The following ADCY8 variants were observed in gnomAD, a reference collection of about 807,000 sequenced individuals.
The protein encoded by ADCY8 is adenylate cyclase type 8.
A neutral mutation model predicts 119.7 loss-of-function variants in ADCY8; 51 were observed. The ratio of observed to expected loss-of-function variants is 0.43; its 90% CI spans 0.34 to 0.54. The LOEUF (loss-of-function observed/expected upper bound fraction) is 0.54. Among genes scored for constraint, ADCY8 ranks in the 20% least tolerant of loss-of-function variants. The pLI is 0.03. For missense variants in ADCY8, 1,383 were observed against 1,598.8 expected (o/e 0.87, Z 2.30); for synonymous variants, 665 against 651.0 (o/e 1.02, Z -0.33).
At chr8:130,845,658 T>G (rs1268252767) in intron 11 of ADCY8, among the ~76,000 whole-genome samples, 1 of 152,114 alleles carries the variant, frequency 6.6e-6, no homozygotes, top group Non-Finnish European at 1.5e-5. Flanking sequence ...CACTCATTCC[T>G]AGGTAGAAGG....
intron 5 of ADCY8, among the ~76,000 whole-genome samples, chr8:130,923,629 G>A (rs2130589725): frequency 6.6e-6 from 1 of 152,214 alleles, no homozygotes; most frequent in Middle Eastern, 3.4e-3. Flanking sequence ...GTCAGCCCTG[G>A]CATCTTCTCA....
chr8:131,033,763 C>G (rs1374824000), intron 1 of ADCY8, among the ~76,000 whole-genome samples: 1 of 151,562 alleles, frequency 6.6e-6, no homozygotes, highest in Non-Finnish European at 1.5e-5. Flanking sequence ...AACACACATA[C>G]ACAAAAGCAC....
At chr8:130,787,513 A>G (rs1462220470) in intron 15 of ADCY8, among the ~76,000 whole-genome samples, 1 of 150,726 alleles carries the variant, frequency 6.6e-6, no homozygotes, top group African/African-American at 2.4e-5. Flanking sequence ...TATGGTGTTT[A>G]TGTGCATGTG....
intron 1 of ADCY8, among the ~76,000 whole-genome samples, chr8:131,035,688 T>A (rs539665623): frequency 1.3e-5 from 2 of 152,270 alleles, no homozygotes; most frequent in South Asian, 4.1e-4. Context: ...AGGAAGGCAA[T>A]CATTGGCTCA....
chr8:130,903,268 C>A (rs1260563495), intron 7 of ADCY8, among the ~76,000 whole-genome samples: 1 of 152,034 alleles, frequency 6.6e-6, no homozygotes, highest in African/African-American at 2.4e-5. Flanking sequence ...ATTGCATGCT[C>A]CTCCTGAACT....
At chr8:130,901,005 G>C (rs1819581143) in intron 7 of ADCY8, among the ~76,000 whole-genome samples, 1 of 152,094 alleles carries the variant, frequency 6.6e-6, no homozygotes, top group Admixed American at 6.6e-5. Context: ...CATCGACGCA[G>C]TTCCAAGCAA....
intron 2 of ADCY8, among the ~76,000 whole-genome samples, chr8:130,957,613 G>A (rs927584581): frequency 1.3e-5 from 2 of 152,172 alleles, no homozygotes; most frequent in Non-Finnish European, 1.5e-5. Flanking sequence ...AGGTCTTCAT[G>A]GCAGCTCCTC....
At chr8:131,003,175 C>T (rs1441887777) in intron 1 of ADCY8, among the ~76,000 whole-genome samples, 1 of 149,112 alleles carries the variant, frequency 6.7e-6, no homozygotes, top group Non-Finnish European at 1.5e-5. Context: ...CACCATTGCA[C>T]TCCAGCCTGG....
chr8:130,939,820 A>G (rs1204282359), intron 4 of ADCY8, among the ~76,000 whole-genome samples: 1 of 152,192 alleles, frequency 6.6e-6, no homozygotes, highest in Non-Finnish European at 1.5e-5. Flanking sequence ...GCTGCTCCTT[A>G]TCTTTTTTCG....
chr8:130,781,741 T>C (rs1289498800), intron 17 of ADCY8, among the ~76,000 whole-genome samples: 1 of 152,190 alleles, frequency 6.6e-6, no homozygotes, highest in African/African-American at 2.4e-5. Flanking sequence ...ATCTGGTAAA[T>C]ACTTTTAAAG....
At chr8:130,927,266 A>C in intron 5 of ADCY8, among the ~76,000 whole-genome samples, 1 of 152,086 alleles carries the variant, frequency 6.6e-6, no homozygotes, top group East Asian at 1.9e-4. Flanking sequence ...TTATCTCTTG[A>C]CTTTTTGATA....
At chr8:130,888,147 G>A (rs1819058063) in intron 7 of ADCY8, among the ~76,000 whole-genome samples, 1 of 151,204 alleles carries the variant, frequency 6.6e-6, no homozygotes, top group African/African-American at 2.4e-5. Flanking sequence ...CTAAAGAATA[G>A]GAAAAACAAA....
intron 4 of ADCY8, among the ~76,000 whole-genome samples, chr8:130,941,355 G>T (rs184438194): frequency 6.6e-6 from 1 of 152,242 alleles, no homozygotes; most frequent in African/African-American, 2.4e-5. Context: ...TCAGTCTTGC[G>T]CAGTACCTGA....
intron 1 of ADCY8, among the ~76,000 whole-genome samples, chr8:131,014,772 T>C (rs1245939786): frequency 6.6e-6 from 1 of 152,218 alleles, no homozygotes; most frequent in Admixed American, 6.5e-5. Context: ...ACTTACTTCA[T>C]AGGTTGTTGT....
chr8:130,936,925 G>T, intron 5 of ADCY8, 148 bp downstream of exon 5: 1 of 928,640 alleles, frequency 1.1e-6, no homozygotes, highest in Non-Finnish European at 1.6e-6. Flanking sequence ...GGTTTATATG[G>T]GAGAACTAAG....
chr8:130,868,307 G>A (rs7820461), intron 8 of ADCY8, among the ~76,000 whole-genome samples: 23,434 of 152,090 alleles, frequency 0.15, 2,264 homozygotes, highest in African/African-American at 0.27. Context: ...GCACTGTTTC[G>A]TGTTAAGTTT....
intron 3 of ADCY8, among the ~76,000 whole-genome samples, chr8:130,946,794 A>G (rs2130647233): frequency 6.6e-6 from 1 of 152,158 alleles, no homozygotes; most frequent in East Asian, 1.9e-4. Flanking sequence ...GTGGCATCTC[A>G]TGAAATTGTT....
At chr8:130,990,579 A>C (rs1822546772) in intron 1 of ADCY8, 37 bp from the exon 2 acceptor site, 1 of 1,595,772 alleles carries the variant, frequency 6.3e-7, no homozygotes, top group Non-Finnish European at 8.6e-7. Flanking sequence ...GCTTAAAACA[A>C]AAGCTATTTA....
chr8:130,937,075 G>T lies in ADCY8; in HGVS notation c.1479C>A (p.Ile493=), dbSNP rs1820809756. The T allele has an allele frequency of 6.2e-7, 1 of 1,610,628 alleles. No individual in the cohort carries two copies. Among genetic ancestry groups the T allele is most frequent in the Non-Finnish European group, 8.5e-7 (1 of 1,178,042 alleles). The part of the protein sequence containing the change: ...VEMGLSMIKT[I]RYVRSRTKHD... ...ACATGATGGGGATCACAAATTACCT[G>T]ATGGTTTTGATCATGCTGAGACCCA... Residue 493 remains isoleucine (I), a splice_region_variant and synonymous_variant, in exon 5 of 18, where the codon ATC becomes ATA. Transcript: ENST00000286355.
Sources: gnomAD v4.1 joint callset for allele counts (sites outside exome capture counted in the v4.1 genomes callset) on GRCh38, gnomAD v4.1.1 for gene constraint, MANE v1.5 for transcripts, NCBI Gene and HGNC (gene_info 2026-07-23, HGNC 2026-07-21) for gene names.